Variants in STXBP5L observed in about 807,000 individuals in gnomAD.
STXBP5L encodes syntaxin-binding protein 5-like.
STXBP5L carries 65 observed loss-of-function variants against 144.5 expected under a neutral mutation model. The ratio of observed to expected loss-of-function variants is 0.45; its 90% CI spans 0.37 to 0.55. The LOEUF (loss-of-function observed/expected upper bound fraction) is 0.55, where lower values mean the gene tolerates loss of function less well. Among genes scored for constraint, STXBP5L ranks in the 20% least tolerant of loss-of-function variants. The probability of loss-of-function intolerance (pLI) is 0.00; values close to 1 mark genes in which losing one functional copy is unlikely to be tolerated. For synonymous variants in STXBP5L, 505 were observed against 469.6 expected (o/e 1.08, Z -0.97); for missense variants, 1,298 against 1,405.5 (o/e 0.92, Z 1.22).
At chr3:120,971,752 C>T (rs1183232366) in intron 3 of STXBP5L, among the ~76,000 whole-genome samples, 1 of 146,810 alleles carries the variant, frequency 6.8e-6, no homozygotes. Flanking sequence ...ATATATATCA[C>T]ATTTTATATA....
At chr3:121,391,759 G>T (rs928078332) in intron 22 of STXBP5L, among the ~76,000 whole-genome samples, 3 of 152,164 alleles carry the variant, frequency 2.0e-5, no homozygotes, top group Non-Finnish European at 4.4e-5. Context: ...ATTGCTGCCT[G>T]ATCCTTCCTC....
intron 3 of STXBP5L, among the ~76,000 whole-genome samples, chr3:120,995,177 T>A (rs1943240959): frequency 6.6e-6 from 1 of 152,170 alleles, no homozygotes. Flanking sequence ...AAACAGAATT[T>A]TTCTCTGTCA....
intron 5 of STXBP5L, among the ~76,000 whole-genome samples, chr3:121,100,439 A>G (rs564513993): frequency 6.6e-6 from 1 of 152,004 alleles, no homozygotes; most frequent in African/African-American, 2.4e-5. Context: ...CAATACCAAG[A>G]TCTTTTATTA....
At chr3:121,243,118 G>A (rs1003729133) in intron 14 of STXBP5L, among the ~76,000 whole-genome samples, 7 of 152,116 alleles carry the variant, frequency 4.6e-5, no homozygotes, top group African/African-American at 7.2e-5. Flanking sequence ...AGAAAAGAGC[G>A]GAAGATATAC....
intron 10 of STXBP5L, among the ~76,000 whole-genome samples, chr3:121,218,048 T>C (rs973964968): frequency 7.0e-6 from 1 of 143,434 alleles, no homozygotes; most frequent in Non-Finnish European, 1.5e-5. Context: ...TAATATACTA[T>C]ATATAATATA....
intron 14 of STXBP5L, among the ~76,000 whole-genome samples, chr3:121,248,647 A>G (rs561848127): frequency 6.6e-6 from 1 of 152,142 alleles, no homozygotes; most frequent in Non-Finnish European, 1.5e-5. Context: ...TCTTGAGTTT[A>G]ATTAGTTCTT....
At chr3:121,289,707 C>A (rs1011078525) in intron 19 of STXBP5L, among the ~76,000 whole-genome samples, 1 of 152,132 alleles carries the variant, frequency 6.6e-6, no homozygotes, top group African/African-American at 2.4e-5. Flanking sequence ...AGTACTCTCT[C>A]AGACCACAGT....
chr3:120,990,460 C>T (rs980690546), intron 3 of STXBP5L, among the ~76,000 whole-genome samples: 12 of 152,176 alleles, frequency 7.9e-5, no homozygotes, highest in East Asian at 3.9e-4. Context: ...AAAACTACTT[C>T]AAAGTTCATA....
chr3:121,074,991 G>T (rs759267407), intron 5 of STXBP5L, among the ~76,000 whole-genome samples: 1 of 152,154 alleles, frequency 6.6e-6, no homozygotes, highest in Non-Finnish European at 1.5e-5. Context: ...TGAGTGCTCT[G>T]CACCAGTATT....
chr3:120,982,829 C>G (rs756113362), intron 3 of STXBP5L, among the ~76,000 whole-genome samples: 2 of 152,198 alleles, frequency 1.3e-5, no homozygotes, highest in African/African-American at 4.8e-5. Context: ...CCCCAATTTC[C>G]AGGCCCCTAG....
At chr3:121,262,909 T>C (rs1050194127) in intron 18 of STXBP5L, among the ~76,000 whole-genome samples, 1 of 152,216 alleles carries the variant, frequency 6.6e-6, no homozygotes, top group Non-Finnish European at 1.5e-5. Flanking sequence ...GACTTAAATG[T>C]TCCTGCCTGC....
chr3:121,313,227 C>CT (rs2043614814), intron 19 of STXBP5L, among the ~76,000 whole-genome samples: 2 of 132,382 alleles, frequency 1.5e-5, no homozygotes, highest in African/African-American at 3.0e-5. Context: ...TGACCCCCCC[C>CT]ACCTCCCTCC....
At chr3:121,338,560 C>G (rs1337061148) in intron 20 of STXBP5L, among the ~76,000 whole-genome samples, 1 of 121,864 alleles carries the variant, frequency 8.2e-6, no homozygotes, top group Admixed American at 1.0e-4. Flanking sequence ...GGAGAATCAT[C>G]TGAACCTGGG....
chr3:120,983,689 G>C (rs896679552), intron 3 of STXBP5L, among the ~76,000 whole-genome samples: 1 of 152,110 alleles, frequency 6.6e-6, no homozygotes. Context: ...TTATAGGAGT[G>C]TGGAGCCCTA....
chr3:121,102,110 C>A (rs573929437), intron 5 of STXBP5L, among the ~76,000 whole-genome samples: 1 of 151,892 alleles, frequency 6.6e-6, no homozygotes, highest in Non-Finnish European at 1.5e-5. Context: ...ATTGGAAGAA[C>A]AATATTGTTA....
At chr3:121,363,468 G>A (rs1476446141) in intron 20 of STXBP5L, among the ~76,000 whole-genome samples, 1 of 152,198 alleles carries the variant, frequency 6.6e-6, no homozygotes, top group East Asian at 1.9e-4. Flanking sequence ...AGGGATGGTT[G>A]AAATTCTCTC....
chr3:120,928,582 A>C (rs868087876), intron 2 of STXBP5L, among the ~76,000 whole-genome samples: 1 of 151,966 alleles, frequency 6.6e-6, no homozygotes, highest in East Asian at 1.9e-4. Flanking sequence ...TTCTATCACC[A>C]TAGCTTATGC....
intron 7 of STXBP5L, among the ~76,000 whole-genome samples, chr3:121,129,103 GGA>G (rs540932166): frequency 4.7e-4 from 71 of 151,964 alleles, no homozygotes; most frequent in Non-Finnish European, 1.0e-4. Context: ...GTTGATAGAC[GGA>G]GTTTTGGCCC....
At chr3:120,930,941 T>A (rs755316300) in intron 2 of STXBP5L, among the ~76,000 whole-genome samples, 4 of 152,170 alleles carry the variant, frequency 2.6e-5, no homozygotes, top group African/African-American at 7.2e-5. Flanking sequence ...TTTCTGCCTG[T>A]TCTTGTGGCA....
Sources: allele counts gnomAD v4.1 joint callset (sites outside exome capture counted in the v4.1 genomes callset), GRCh38; gene constraint gnomAD v4.1.1; transcripts MANE v1.5; gene names NCBI Gene and HGNC (gene_info 2026-07-23, HGNC 2026-07-21).